JMY: variants seen among roughly 807,000 people sequenced by gnomAD.
JMY encodes the protein junction-mediating and -regulatory protein.
In JMY, 46 loss-of-function variants were observed where a neutral mutation model predicts 103.3. The observed-to-expected ratio is 0.45, with a 90% CI of 0.35 to 0.57. The LOEUF (loss-of-function observed/expected upper bound fraction) is 0.57, where lower values mean the gene tolerates loss of function less well. Among genes scored for constraint, JMY ranks in the 20% least tolerant of loss-of-function variants. The pLI, the probability that JMY is intolerant of heterozygous loss-of-function variation, is 0.00. For missense variants in JMY, 1,238 were observed against 1,255.2 expected, an observed-to-expected ratio of 0.99 and a Z score of 0.21; for synonymous variants, 526 against 489.3, an observed-to-expected ratio of 1.07 and a Z score of -0.99.
chr5:79,304,917 G>C (rs1177555527), intron 6 of JMY, among the ~76,000 whole-genome samples: 1 of 152,200 alleles, frequency 6.6e-6, no homozygotes, highest in East Asian at 1.9e-4. Context: ...AGGAAAAGCA[G>C]CTAATATGGA....
chr5:79,279,439 A>T (rs988326273), intron 2 of JMY, among the ~76,000 whole-genome samples: 13 of 152,218 alleles, frequency 8.5e-5, no homozygotes, highest in Non-Finnish European at 2.9e-5. Context: ...GTTATGTGTA[A>T]TTCATATATA....
intron 1 of JMY, among the ~76,000 whole-genome samples, chr5:79,273,023 C>T (rs539779876): frequency 6.6e-6 from 1 of 152,288 alleles, no homozygotes; most frequent in Non-Finnish European, 1.5e-5. Context: ...TTATTATAGT[C>T]AGATACATTA....
At position 79,290,351 on chromosome 5, in the gene JMY, A is replaced by G. The variant is rs902950825; in HGVS notation, c.1357+80A>G. On this transcript the variant is annotated intron_variant, in intron 3 of 10. Coordinates refer to ENST00000396137, the MANE Select transcript of JMY (RefSeq NM_152405.5). Reference sequence around the variant, plus strand: ...TATTTTATGTTCAGAAAAATTACATAGAAAAGTATATAAAGATCACTCATA... The same window carrying G: ...TATTTTATGTTCAGAAAAATTACATGGAAAAGTATATAAAGATCACTCATA... 20 of 994,040 alleles carry G rather than the reference A, an allele frequency of 2.0e-5. No homozygotes were observed. The East Asian group carries it at 5.4e-4, about 27-fold the overall frequency. The allele number at this position is 994,040 out of a possible 1,614,324, so 61.6% of individuals were successfully genotyped here.
chr5:79,253,008 T>C (rs952942025), intron 1 of JMY, among the ~76,000 whole-genome samples: 1 of 152,050 alleles, frequency 6.6e-6, no homozygotes, highest in Admixed American at 6.5e-5. Context: ...ATGTCTTTTA[T>C]TGAAGGTGAT....
chr5:79,307,820 C>T (rs917985363), intron 7 of JMY, among the ~76,000 whole-genome samples: 3 of 152,120 alleles, frequency 2.0e-5, no homozygotes, highest in Non-Finnish European at 4.4e-5. Flanking sequence ...CTCACTGCAA[C>T]GTCCATCTCC....
At chr5:79,263,695 A>G (rs1580339269) in intron 1 of JMY, among the ~76,000 whole-genome samples, 1 of 150,796 alleles carries the variant, frequency 6.6e-6, no homozygotes, top group Non-Finnish European at 1.5e-5. Flanking sequence ...ATTTTTTTTT[A>G]TAGAGTCTTG....
chr5:79,314,762 C>T lies in JMY; in HGVS notation c.2570C>T (p.Ala857Val). The change falls in exon 9 of 11, where the codon GCC (alanine) becomes GTC (valine). Residue 857 changes from alanine (A) to valine (V), a missense_variant. Ala to Val is a moderately conservative substitution (Grantham distance 64). Coordinates refer to ENST00000396137, the MANE Select transcript of JMY (RefSeq NM_152405.5). ...AAGAGGATCCCAAAGTCAGCCAGTG[C>T]CCCCTCAGCACACCTCTTTGACAGC... ...NEKRIPKSAS[A>V]PSAHLFDSSQ... 1 of 1,613,310 alleles carries T rather than the reference C, an allele frequency of 6.2e-7. No homozygotes were observed. The highest frequency in any genetic ancestry group is 8.5e-7 in the Non-Finnish European group (1 of 1,179,778).
Position 79,237,231 on chromosome 5 carries a change from A to T in JMY, c.581A>T (p.Glu194Val), listed in dbSNP as rs1005959365. The T allele has an allele frequency of 2.8e-5, 43 of 1,550,432 alleles. No individual in the cohort carries two copies. The highest frequency in any genetic ancestry group is 3.6e-5 in the Non-Finnish European group (41 of 1,146,912). ...TCTGGGACGGTCTCCGAGGAGATAG[A>T]GGTGCTGGAAATGGTGAAGGAGGAC... ...SASGTVSEEIEVLEMVKEDEA... is the reference protein window; with the variant it reads ...SASGTVSEEIVVLEMVKEDEA... The change falls in exon 1 of 11, where the codon GAG (glutamate) becomes GTG (valine). Residue 194 changes from glutamate (E) to valine (V), a missense_variant. Glu to Val is a moderately radical substitution (Grantham distance 121, BLOSUM62 -2). Transcript: ENST00000396137.
At chr5:79,241,004 T>C (rs998383668) in intron 1 of JMY, among the ~76,000 whole-genome samples, 26 of 152,248 alleles carry the variant, frequency 1.7e-4, no homozygotes, top group Admixed American at 1.5e-3. Flanking sequence ...TTAGAATGCT[T>C]AGTCCTTTGG....
rs1432641551 is a variant in JMY, at chr5:79,290,167, T to A, written c.1253T>A (p.Leu418Gln). 1.3e-6 allele frequency: 2 copies of A among 1,596,672 alleles called. No individual in the cohort carries two copies. ...CTGGGACCTCGAAGAATTGAGAGTC[T>A]ACAAAAAGAAGATGCTGATTGGCAG... ...DYLGPRRIES[L>Q]QKEDADWQRK... The change falls in exon 3 of 11, where the codon CTA becomes CAA. Residue 418 changes from leucine (L) to glutamine (Q), a missense_variant. Coordinates refer to ENST00000396137, the MANE Select transcript of JMY (RefSeq NM_152405.5).
At chr5:79,270,011 C>G (rs1745697039) in intron 1 of JMY, among the ~76,000 whole-genome samples, 1 of 152,048 alleles carries the variant, frequency 6.6e-6, no homozygotes. Context: ...GATTGCCAGA[C>G]ATGAACCACT....
rs1384193148 is a variant in JMY at position 79,236,734 on chromosome 5, A to T, written c.84A>T (p.Lys28Asn). The T allele has an allele frequency of 6.6e-7, 1 of 1,505,592 alleles. No homozygotes were observed. Among genetic ancestry groups the T allele is most frequent in the Admixed American group, 2.2e-5 (1 of 46,096 alleles). The allele number at this position is 1,505,592 out of a possible 1,614,324, so 93.3% of individuals were successfully genotyped here. ...PHVFDEREKH[K>N]FVFIVAWNEI... ...TGTTCGACGAGCGCGAGAAACACAA[A>T]TTCGTCTTTATTGTGGCCTGGAACG... Residue 28 changes from lysine to asparagine, a missense_variant, in exon 1 of 11, where the codon AAA (lysine) becomes AAT (asparagine). By Grantham distance (94) the Lys-to-Asn change is moderately conservative (BLOSUM62 0). Transcript: ENST00000396137.
At chr5:79,317,318 C>T (rs564084677) in intron 10 of JMY, among the ~76,000 whole-genome samples, 1 of 152,162 alleles carries the variant, frequency 6.6e-6, no homozygotes, top group East Asian at 1.9e-4. Flanking sequence ...CTAATGAATA[C>T]TCCTATACAT....
At chr5:79,309,530 T>A (rs1468886959) in intron 7 of JMY, among the ~76,000 whole-genome samples, 2 of 152,156 alleles carry the variant, frequency 1.3e-5, no homozygotes, top group African/African-American at 4.8e-5. Flanking sequence ...TACTTAAATA[T>A]CAGAAATGCC....
chr5:79,249,340 G>A (rs1480202071), intron 1 of JMY, among the ~76,000 whole-genome samples: 1 of 152,192 alleles, frequency 6.6e-6, no homozygotes, highest in Non-Finnish European at 1.5e-5. Flanking sequence ...TAATTTTAGA[G>A]TAGCAGTATT....
At chr5:79,255,128 C>CTTTTTTTTTTTTTTTTTTT (rs71615518) in intron 1 of JMY, among the ~76,000 whole-genome samples, 1 of 139,808 alleles carries the variant, frequency 7.2e-6, no homozygotes, top group Non-Finnish European at 1.5e-5. Context: ...TCTCTCTCTC[C>CTTTTTTTTTTTTTTTTTTT]TTTTTTTTGA....
intron 2 of JMY, among the ~76,000 whole-genome samples, chr5:79,282,453 G>A (rs1025648703): frequency 2.0e-5 from 3 of 152,064 alleles, no homozygotes; most frequent in Non-Finnish European, 4.4e-5. Flanking sequence ...CTCAATAAAC[G>A]TGATTTTTTA....
At chr5:79,271,767 A>G (rs754952061) in intron 1 of JMY, among the ~76,000 whole-genome samples, 4 of 152,174 alleles carry the variant, frequency 2.6e-5, no homozygotes, top group Non-Finnish European at 5.9e-5. Context: ...AGGTATGTAC[A>G]CATATGATTG....
At chr5:79,265,613 C>T (rs1274088107) in intron 1 of JMY, among the ~76,000 whole-genome samples, 1 of 151,944 alleles carries the variant, frequency 6.6e-6, no homozygotes, top group Non-Finnish European at 1.5e-5. Flanking sequence ...TGACCACATG[C>T]AATGTTCTTT....
Sources: gnomAD v4.1 joint callset for allele counts (sites outside exome capture counted in the v4.1 genomes callset) on GRCh38, gnomAD v4.1.1 for gene constraint, MANE v1.5 for transcripts, NCBI Gene and HGNC (gene_info 2026-07-23, HGNC 2026-07-21) for gene names.